The following CRTC1 variants were observed in gnomAD, a reference collection of about 807,000 sequenced individuals.
The protein encoded by CRTC1 is CREB regulated transcription coactivator 1, also known as CREB-regulated transcription coactivator 1.
A neutral mutation model predicts 66.1 loss-of-function variants in CRTC1; 18 were observed. That is an observed-to-expected ratio of 0.27 (90% confidence interval 0.19 to 0.40). The LOEUF (loss-of-function observed/expected upper bound fraction) is 0.40, where lower values mean the gene tolerates loss of function less well. CRTC1 is among the 10% of genes least tolerant of loss of function. The pLI is 1.00. For synonymous variants in CRTC1, 416 were observed against 398.8 expected, an observed-to-expected ratio of 1.04 and a Z score of -0.51; for missense variants, 669 against 887.9, an observed-to-expected ratio of 0.75 and a Z score of 3.13.
Position 18,777,103 on chromosome 19 carries a change from C to A in CRTC1, c.1694-68C>A. Reference sequence around the variant, plus strand: ...GAGTCGCCCGGCGGGCATGCCTGGTCCGACACATGGATGCGAGCGATGGAG... The same window carrying A: ...GAGTCGCCCGGCGGGCATGCCTGGTACGACACATGGATGCGAGCGATGGAG... On this transcript the variant is annotated intron_variant, in intron 13 of 13. Coordinates refer to ENST00000321949, the MANE Select transcript of CRTC1 (RefSeq NM_015321.3). The surrounding 1 kb of genome is among the most constrained non-coding windows in gnomAD (Gnocchi z 5.5). The A allele has an allele frequency of 1.1e-6, 1 of 903,738 alleles. No homozygotes were observed. Among genetic ancestry groups the A allele is most frequent in the Non-Finnish European group, 1.8e-6 (1 of 558,546 alleles). The allele number at this position is 903,738 out of a possible 1,614,324, so 56.0% of individuals were successfully genotyped here.
intron 1 of CRTC1, among the ~76,000 whole-genome samples, chr19:18,718,416 A>G (rs886617231): frequency 6.6e-6 from 1 of 151,998 alleles, no homozygotes; most frequent in Non-Finnish European, 1.5e-5. Flanking sequence ...AGCTCACTGC[A>G]GCCTCCACCT....
chr19:18,741,017 AAAC>A lies in CRTC1; in HGVS notation c.127-1878_127-1876del, dbSNP rs561422693. ...GAGACTCCATCTCAAAAAAACAAACAAACAACAACAACAACAAAAAAGAAAAGC... is the reference window on the plus strand; with the variant it reads ...GAGACTCCATCTCAAAAAAACAAACAAACAACAACAACAAAAAAGAAAAGC... On this transcript the variant is annotated intron_variant, in intron 1 of 13. Coordinates refer to ENST00000321949, the MANE Select transcript of CRTC1 (RefSeq NM_015321.3). This position sits in a 1 kb window ranked among gnomAD's most constrained non-coding sequence, Gnocchi z 4.2. 3.3e-5 allele frequency among the ~76,000 whole-genome samples: 5 copies of A among 152,144 alleles called. No homozygotes were observed. The highest frequency in any genetic ancestry group is 2.1e-4 in the South Asian group (1 of 4,830).
At chr19:18,734,006 G>A (rs1011842698) in intron 1 of CRTC1, among the ~76,000 whole-genome samples, 36 of 152,184 alleles carry the variant, frequency 2.4e-4, no homozygotes, top group Admixed American at 4.6e-4. Flanking sequence ...CTACTTGGGA[G>A]GCTGAGAATC....
chr19:18,706,509 A>G (rs1184122301), intron 1 of CRTC1, among the ~76,000 whole-genome samples: 1 of 151,724 alleles, frequency 6.6e-6, no homozygotes, highest in Admixed American at 6.6e-5. Context: ...ATCTGGCCCC[A>G]TTGGTCTTTA....
intron 2 of CRTC1, among the ~76,000 whole-genome samples, chr19:18,744,997 G>A (rs1379228269): frequency 6.6e-6 from 1 of 152,194 alleles, no homozygotes; most frequent in African/African-American, 2.4e-5. Flanking sequence ...GGCCGGACTG[G>A]GGGATTGGCT....
chr19:18,769,472 G>A (rs954632138), intron 10 of CRTC1, among the ~76,000 whole-genome samples: 1 of 152,244 alleles, frequency 6.6e-6, no homozygotes, highest in Non-Finnish European at 1.5e-5. Flanking sequence ...CCGACTGCCA[G>A]CCCCAGGCTA....
chr19:18,690,791 C>T (rs563924002), intron 1 of CRTC1, among the ~76,000 whole-genome samples: 21 of 151,760 alleles, frequency 1.4e-4, no homozygotes, highest in African/African-American at 4.8e-4. Context: ...TTTGGGAGGC[C>T]GGGGTGGGCA....
intron 1 of CRTC1, among the ~76,000 whole-genome samples, chr19:18,701,802 G>C (rs900898132): frequency 6.6e-6 from 1 of 151,400 alleles, no homozygotes; most frequent in South Asian, 2.1e-4. Context: ...ATTTTTAGTA[G>C]AGACGGGGTT....
intron 12 of CRTC1, 79 bp from the exon 13 acceptor site, chr19:18,775,562 C>T: frequency 7.7e-7 from 1 of 1,306,850 alleles, no homozygotes; most frequent in Non-Finnish European, 1.0e-6. Flanking sequence ...GCAGGACAGC[C>T]ACAGCAGCCA....
Position 18,689,709 on chromosome 19 carries a change from T to C in CRTC1, c.126+5881T>C, listed in dbSNP as rs74628654. Among the ~76,000 whole-genome samples, 738 of 150,416 alleles carry C rather than the reference T, an allele frequency of 4.9e-3. 7 individuals carry two copies. Among genetic ancestry groups the C allele is most frequent in the African/African-American group, 0.017 (695 of 40,770 alleles). On this transcript the variant is annotated intron_variant, in intron 1 of 13. Coordinates refer to ENST00000321949, the MANE Select transcript of CRTC1 (RefSeq NM_015321.3). ...TAATAGTTCATGTCATATTCCATGG[T>C]GTGGGTCTACCCCGTTTTGTCCATT...
chr19:18,721,288 G>A (rs2053624068), intron 1 of CRTC1, among the ~76,000 whole-genome samples: 1 of 151,760 alleles, frequency 6.6e-6, no homozygotes, highest in Admixed American at 6.6e-5. Flanking sequence ...CCGCCTCCTG[G>A]GTTCACGCCA....
intron 6 of CRTC1, among the ~76,000 whole-genome samples, chr19:18,754,159 C>T (rs547547031): frequency 6.6e-6 from 1 of 151,524 alleles, no homozygotes; most frequent in Non-Finnish European, 1.5e-5. Context: ...CTGAAAGGGA[C>T]AGCAATGCAA....
chr19:18,683,750 G>C lies in CRTC1; in HGVS notation c.48G>C (p.Leu16=). 1 of 1,403,406 alleles carries C rather than the reference G, an allele frequency of 7.1e-7. No individual in the cohort carries two copies. Among genetic ancestry groups the C allele is most frequent in the Non-Finnish European group, 9.5e-7 (1 of 1,055,050 alleles). The allele number at this position is 1,403,406 out of a possible 1,614,324, so 86.9% of individuals were successfully genotyped here. ...NPRKFSEKIA[L]HNQKQAEETA... is the part of the protein sequence containing the mutation. Reference sequence around the variant, plus strand: ...GGAAATTCAGCGAGAAGATCGCGCTGCACAATCAGAAGCAGGCGGAGGAGA... The same window carrying C: ...GGAAATTCAGCGAGAAGATCGCGCTCCACAATCAGAAGCAGGCGGAGGAGA... Residue 16 remains leucine (L), a synonymous_variant, in exon 1 of 14, where the codon CTG becomes CTC. Coordinates refer to ENST00000321949, the MANE Select transcript of CRTC1 (RefSeq NM_015321.3).
At chr19:18,758,360 T>TAAA (rs920751999) in intron 6 of CRTC1, among the ~76,000 whole-genome samples, 1 of 108,306 alleles carries the variant, frequency 9.2e-6, no homozygotes, top group Non-Finnish European at 1.9e-5. Context: ...ACTCCGTCTC[T>TAAA]AAAAAAAAAA....
intron 8 of CRTC1, among the ~76,000 whole-genome samples, chr19:18,764,488 C>T (rs2054685340): frequency 6.6e-6 from 1 of 152,244 alleles, no homozygotes; most frequent in Non-Finnish European, 1.5e-5. Flanking sequence ...CAGCCAGCCC[C>T]AGCTACTGCC....
Position 18,779,439 on chromosome 19 carries a change from G to A in CRTC1, c.*2057G>A, listed in dbSNP as rs1044165850. The A allele has an allele frequency of 5.8e-5, 13 of 224,038 alleles. No homozygotes were observed. Among genetic ancestry groups the A allele is most frequent in the Non-Finnish European group, 1.2e-4 (13 of 112,494 alleles). The allele number at this position is 224,038 out of a possible 1,614,324, so 13.9% of individuals were successfully genotyped here. Reference sequence around the variant, plus strand: ...CCTTTCTCTTACCATGACAGAGGCTGGGGGCAGACAGCGGGGACTTTTTTT... The same window carrying A: ...CCTTTCTCTTACCATGACAGAGGCTAGGGGCAGACAGCGGGGACTTTTTTT... On this transcript the variant is annotated 3_prime_UTR_variant, in exon 14 of 14. Transcript: ENST00000321949.
At chr19:18,774,725 A>G (rs1463357240) in intron 11 of CRTC1, among the ~76,000 whole-genome samples, 175 bp from the exon 12 acceptor site, 3 of 152,114 alleles carry the variant, frequency 2.0e-5, no homozygotes, top group South Asian at 2.1e-4. Context: ...GGTGGCAGAA[A>G]AAAAGTCATC....
At chr19:18,766,123 C>G (rs1568536344) in intron 9 of CRTC1, among the ~76,000 whole-genome samples, 1 of 149,804 alleles carries the variant, frequency 6.7e-6, no homozygotes, top group African/African-American at 2.5e-5. Flanking sequence ...CTTTTGTAAT[C>G]CTTTTTTTTT....
Position 18,778,771 on chromosome 19 carries a change from G to A in CRTC1, c.*1389G>A, listed in dbSNP as rs1283831750. ...GGACTGGCAGGGAGCGAGGGTCCCC[G>A]AGACGAGGACCACGGTCCTCCCTGA... On this transcript the variant is annotated 3_prime_UTR_variant, in exon 14 of 14. Transcript: ENST00000321949. 4.3e-6 allele frequency: 1 copy of A among 231,008 alleles called. No individual in the cohort carries two copies. The highest frequency in any genetic ancestry group is 8.6e-6 in the Non-Finnish European group (1 of 116,688). 14.3% of individuals were successfully genotyped at this position (231,008 alleles called of 1,614,324 possible). A position where few individuals can be genotyped will look rare whatever the true frequency, so the allele number is the denominator to read the frequency against.
Sources: allele counts gnomAD v4.1 joint callset (sites outside exome capture counted in the v4.1 genomes callset), GRCh38; gene constraint gnomAD v4.1.1; non-coding constraint Gnocchi (gnomAD v3.1); transcripts MANE v1.5; gene names NCBI Gene and HGNC (gene_info 2026-07-23, HGNC 2026-07-21).